Variants in STK35 observed in about 807,000 individuals in gnomAD.
STK35 encodes serine/threonine kinase 35.
A neutral mutation model predicts 37.3 loss-of-function variants in STK35; 17 were observed. That is an observed-to-expected ratio of 0.46 (90% confidence interval 0.31 to 0.68). The LOEUF (loss-of-function observed/expected upper bound fraction) is 0.68. Among genes scored for constraint, STK35 ranks in the 30% least tolerant of loss-of-function variants. The pLI, the probability that STK35 is intolerant of heterozygous loss-of-function variation, is 0.05. For missense variants in STK35, 595 were observed against 746.7 expected (o/e 0.80, Z 2.37); for synonymous variants, 385 against 319.1 (o/e 1.21, Z -2.20).
At chr20:2,141,562 A>G (rs1184940256) in intron 3 of STK35, among the ~76,000 whole-genome samples, 1 of 152,204 alleles carries the variant, frequency 6.6e-6, no homozygotes, top group Non-Finnish European at 1.5e-5. Flanking sequence ...TTGTTCATTA[A>G]AGTACCCTAT....
At position 2,103,140 on chromosome 20, in the gene STK35, C is replaced by A. The variant is rs555115763; in HGVS notation, c.667C>A (p.Arg223Ser). The change falls in exon 2 of 4, where the codon CGC becomes AGC. Residue 223 changes from arginine to serine, a missense_variant. Coordinates refer to ENST00000381482, the MANE Select transcript of STK35 (RefSeq NM_080836.4). The part of the protein sequence containing the change: ...YGVVYEAVAG[R>S]SGARVAVKKI... ...CGTGGTTTATGAGGCAGTGGCCGGG[C>A]GCAGCGGGGCCCGGGTGGCGGTCAA... is the stretch of plus-strand genomic sequence containing the variant. 2 of 1,604,406 alleles carry A rather than the reference C, an allele frequency of 1.2e-6. No homozygotes were observed. Among genetic ancestry groups the A allele is most frequent in the Non-Finnish European group, 8.5e-7 (1 of 1,179,026 alleles).
At chr20:2,143,088 A>G (rs1986197700) in intron 3 of STK35, among the ~76,000 whole-genome samples, 2 of 152,146 alleles carry the variant, frequency 1.3e-5, no homozygotes, top group African/African-American at 4.8e-5. Flanking sequence ...GAGACCAGGG[A>G]ACAGAGGACT....
At chr20:2,104,412 G>A (rs759057081) in intron 2 of STK35, among the ~76,000 whole-genome samples, 8 of 152,142 alleles carry the variant, frequency 5.3e-5, no homozygotes, top group Non-Finnish European at 1.0e-4. Context: ...AATAAACTAA[G>A]GCTTAGAAGT....
chr20:2,118,670 T>C (rs60831255), intron 3 of STK35, among the ~76,000 whole-genome samples: 1,620 of 152,378 alleles, frequency 0.011, 24 homozygotes, highest in African/African-American at 0.034. Flanking sequence ...AGGAATGGCC[T>C]ATATGACGGT....
chr20:2,129,976 G>A (rs1465616395), intron 3 of STK35, among the ~76,000 whole-genome samples: 1 of 152,168 alleles, frequency 6.6e-6, no homozygotes, highest in African/African-American at 2.4e-5. Context: ...GGTGAAGTGG[G>A]AGTGAATTCA....
intron 1 of STK35, among the ~76,000 whole-genome samples, 190 bp downstream of exon 1, chr20:2,102,365 T>C (rs1478561030): frequency 6.6e-6 from 1 of 152,042 alleles, no homozygotes; most frequent in Non-Finnish European, 1.5e-5. Context: ...AGGGCTTAAT[T>C]CAATGGACTG....
chr20:2,121,091 G>A (rs1246431313), intron 3 of STK35, among the ~76,000 whole-genome samples: 2 of 152,210 alleles, frequency 1.3e-5, no homozygotes, highest in African/African-American at 2.4e-5. Context: ...AGCAAGGAGT[G>A]TATAGGAAGA....
intron 2 of STK35, among the ~76,000 whole-genome samples, chr20:2,108,425 A>G (rs1985556815): frequency 2.6e-5 from 4 of 152,068 alleles, no homozygotes; most frequent in Admixed American, 2.6e-4. Context: ...CAGGAGAATC[A>G]CTTGAACCCG....
intron 2 of STK35, among the ~76,000 whole-genome samples, chr20:2,109,175 A>T (rs1421320080): frequency 6.6e-6 from 1 of 152,200 alleles, no homozygotes; most frequent in Admixed American, 6.5e-5. Context: ...TGCAGCCTGT[A>T]AGAGGTGCTC....
At chr20:2,106,945 G>A (rs1985527493) in intron 2 of STK35, among the ~76,000 whole-genome samples, 1 of 152,204 alleles carries the variant, frequency 6.6e-6, no homozygotes, top group Admixed American at 6.5e-5. Flanking sequence ...CAATGAGTTA[G>A]TGATAGCACT....
At chr20:2,129,669 C>T (rs770174350) in intron 3 of STK35, among the ~76,000 whole-genome samples, 3 of 152,090 alleles carry the variant, frequency 2.0e-5, no homozygotes, top group East Asian at 1.9e-4. Flanking sequence ...ACGTGTCATA[C>T]GAGAGTACCA....
At chr20:2,118,085 A>G (rs1985750795) in intron 3 of STK35, among the ~76,000 whole-genome samples, 1 of 152,198 alleles carries the variant, frequency 6.6e-6, no homozygotes, top group African/African-American at 2.4e-5. Context: ...CCACCTACTC[A>G]CACATCCGGT....
In STK35 at chr20:2,103,192, A is replaced by G. The variant is rs754492665; in HGVS notation, c.719A>G (p.Asn240Ser). 5 of 1,609,958 alleles carry G rather than the reference A, an allele frequency of 3.1e-6. No individual in the cohort carries two copies. The African/African-American group carries it at 6.7e-5, about 21-fold the overall frequency. The change falls in exon 2 of 4, where the codon AAC becomes AGC. Residue 240 changes from asparagine (N) to serine (S), a missense_variant. This residue lies in a region of STK35 where 97 missense variants were observed against 146.4 expected (regional missense o/e 0.66). Transcript: ENST00000381482. The part of the protein sequence containing the change: ...VKKIRCDAPE[N>S]VELALAEFWA... The stretch of plus-strand genomic sequence containing the variant: ...AAGATCCGCTGCGACGCCCCCGAGA[A>G]CGTGGAGCTGGCGCTGGCTGAATTC...
Position 2,136,472 on chromosome 20 carries a change from G to A in STK35, c.*38-7312G>A, listed in dbSNP as rs968587024. On this transcript the variant is annotated intron_variant, in intron 3 of 3. Coordinates refer to ENST00000381482, the MANE Select transcript of STK35 (RefSeq NM_080836.4). Reference sequence around the variant, plus strand: ...TGTCCCTTACCAGCTGCTGGAGTTTGGAGAAGTGGCCCAGCTCTCTGAGCA... The same window carrying A: ...TGTCCCTTACCAGCTGCTGGAGTTTAGAGAAGTGGCCCAGCTCTCTGAGCA... 3.3e-5 allele frequency among the ~76,000 whole-genome samples: 5 copies of A among 152,232 alleles called. No individual in the cohort carries two copies. In the East Asian group the frequency reaches 9.6e-4, roughly 29 times the overall value.
chr20:2,116,611 A>G (rs1231091608), intron 2 of STK35, 55 bp from the exon 3 acceptor site: 2 of 1,537,868 alleles, frequency 1.3e-6, no homozygotes, highest in Non-Finnish European at 1.8e-6. Context: ...TTAGTTAAAA[A>G]GAAGTGTGAC....
rs140384689 is a variant in STK35 at position 2,125,597 on chromosome 20, G to C, written c.*37+8182G>C. Among the ~76,000 whole-genome samples, 117 of 152,344 alleles carry C rather than the reference G, an allele frequency of 7.7e-4. 1 individual carries two copies. The highest frequency in any genetic ancestry group is 2.8e-3 in the African/African-American group (115 of 41,580). Reference sequence around the variant, plus strand: ...GTAGTACCATACAGTAAAGCAGCCAGGGCTGCCATGGGTGTCCTTCACAGT... The same window carrying C: ...GTAGTACCATACAGTAAAGCAGCCACGGCTGCCATGGGTGTCCTTCACAGT... On this transcript the variant is annotated intron_variant, in intron 3 of 3. Coordinates refer to ENST00000381482, the MANE Select transcript of STK35 (RefSeq NM_080836.4).
chr20:2,113,653 C>G (rs6075659), intron 2 of STK35, among the ~76,000 whole-genome samples: 69,390 of 151,868 alleles, frequency 0.46, 16,689 homozygotes, highest in East Asian at 0.94. Context: ...AAAACTTACT[C>G]TTACGGCCTA....
At chr20:2,108,557 TTGATCAG>T (rs1985560019) in intron 2 of STK35, among the ~76,000 whole-genome samples, 1 of 152,180 alleles carries the variant, frequency 6.6e-6, no homozygotes, top group African/African-American at 2.4e-5. Flanking sequence ...TAGTTGTATA[TTGATCAG>T]TGCTTGTGGC....
chr20:2,114,059 C>T (rs910358494), intron 2 of STK35, among the ~76,000 whole-genome samples: 3 of 152,092 alleles, frequency 2.0e-5, no homozygotes, highest in African/African-American at 2.4e-5. Flanking sequence ...CAAGTGCCTC[C>T]GAGTGCCTGG....
Sources: allele counts gnomAD v4.1 joint callset (sites outside exome capture counted in the v4.1 genomes callset), GRCh38; gene constraint gnomAD v4.1.1; regional missense constraint gnomAD v4.1.1; transcripts MANE v1.5; gene names NCBI Gene and HGNC (gene_info 2026-07-23, HGNC 2026-07-21).